The following PARVB variants were observed in gnomAD, a reference collection of about 807,000 sequenced individuals.
PARVB encodes the protein beta-parvin.
A neutral mutation model predicts 47.0 loss-of-function variants in PARVB; 46 were observed. The observed-to-expected ratio is 0.98, with a 90% CI of 0.77 to 1.25. The LOEUF is 1.25. Among genes scored for constraint, PARVB ranks in the 50% most tolerant of loss-of-function variants. PARVB has a pLI of 0.00. For synonymous variants in PARVB, 196 were observed against 196.3 expected (o/e 1.00, Z 0.01); for missense variants, 473 against 471.6 (o/e 1.00, Z -0.03).
intron 1 of PARVB, among the ~76,000 whole-genome samples, chr22:44,092,133 A>G (rs148036177): frequency 0.066 from 9,951 of 151,910 alleles, 376 homozygotes; most frequent in Middle Eastern, 0.11. Context: ...TTTTTTTGAG[A>G]TGGAGTCTCG....
intron 7 of PARVB, chr22:44,139,633 CAG>C (rs2053510193): frequency 6.2e-6 from 1 of 160,170 alleles, no homozygotes; most frequent in African/African-American, 2.4e-5. Context: ...GCATTTTTAG[CAG>C]AGATGGGGTT....
intron 12 of PARVB, among the ~76,000 whole-genome samples, chr22:44,164,418 C>CT (rs1555913760): frequency 1.3e-5 from 2 of 148,328 alleles, no homozygotes; most frequent in South Asian, 2.1e-4. Context: ...GTCCCCCCCC[C>CT]GGCTCCTGTG....
intron 1 of PARVB, among the ~76,000 whole-genome samples, chr22:44,090,279 C>T (rs1182953717): frequency 2.0e-5 from 3 of 152,220 alleles, no homozygotes; most frequent in Non-Finnish European, 4.4e-5. Flanking sequence ...TCCTGCCAAC[C>T]GAGGGGTCTG....
At chr22:44,029,726 G>A (rs940881624) in intron 1 of PARVB, among the ~76,000 whole-genome samples, 12 of 152,140 alleles carry the variant, frequency 7.9e-5, no homozygotes, top group African/African-American at 2.9e-4. Context: ...CCTGGCCAAC[G>A]TGGTGAAACC....
intron 1 of PARVB, chr22:44,026,377 G>T (rs2050729292): frequency 1.0e-6 from 1 of 985,078 alleles, no homozygotes; most frequent in Non-Finnish European, 1.2e-6. Flanking sequence ...TTCGCTGGGG[G>T]TGAGCTGGGC....
chr22:44,140,553 T>C (rs1248352197), intron 8 of PARVB: 1 of 536,828 alleles, frequency 1.9e-6, no homozygotes, highest in Admixed American at 1.9e-5. Context: ...TCCTTCCATG[T>C]GTATTATTTC....
chr22:44,094,578 C>CAAA (rs2052254227), intron 2 of PARVB, among the ~76,000 whole-genome samples: 1 of 145,922 alleles, frequency 6.9e-6, no homozygotes, highest in Non-Finnish European at 1.6e-5. Flanking sequence ...CAGCCTTTAC[C>CAAA]GTCCAGGTTC....
chr22:44,152,584 G>A (rs560918857), intron 10 of PARVB: 7 of 152,350 alleles, frequency 4.6e-5, no homozygotes, highest in South Asian at 4.2e-4. Flanking sequence ...CTGTCACACT[G>A]TGGCCAGGAC....
chr22:44,051,364 A>C (rs2051205407), intron 1 of PARVB, among the ~76,000 whole-genome samples: 1 of 152,134 alleles, frequency 6.6e-6, no homozygotes, highest in Admixed American at 6.5e-5. Flanking sequence ...TCGGCTGGCC[A>C]CACTGCCATT....
chr22:44,002,813 C>G (rs932891895), intron 2 of PARVB, among the ~76,000 whole-genome samples: 7 of 151,926 alleles, frequency 4.6e-5, no homozygotes, highest in Non-Finnish European at 8.8e-5. Flanking sequence ...AATGCTTTGC[C>G]CGAAAGTGGG....
At chr22:44,038,397 TGTGCCTCA>T (rs746356696) in intron 1 of PARVB, among the ~76,000 whole-genome samples, 14 of 152,224 alleles carry the variant, frequency 9.2e-5, no homozygotes, top group Non-Finnish European at 1.9e-4. Flanking sequence ...TTCCCCACGC[TGTGCCTCA>T]GTTTCTTCTT....
At chr22:44,073,416 C>A (rs1425704104) in intron 1 of PARVB, among the ~76,000 whole-genome samples, 1 of 152,180 alleles carries the variant, frequency 6.6e-6, no homozygotes, top group Non-Finnish European at 1.5e-5. Context: ...ATCACTTGAA[C>A]CCAGGAGGCA....
Position 44,068,941 on chromosome 22 carries a change from T to G in PARVB, c.113-24987T>G, listed in dbSNP as rs987008984. 5.1e-6 allele frequency: 3 copies of G among 587,632 alleles called. No individual in the cohort carries two copies. The highest frequency in any genetic ancestry group is 9.1e-6 in the Non-Finnish European group (3 of 330,114). The allele number at this position is 587,632 out of a possible 1,614,324, so 36.4% of individuals were successfully genotyped here. ...GAGTCAAGACAGAAATAGTGGTCTG[T>G]GGTCAGCAAGGAGCTATCGCTGGAA... On this transcript the variant is annotated intron_variant, in intron 1 of 12. Transcript: ENST00000338758. The surrounding 1 kb of genome is among the most constrained non-coding windows in gnomAD (Gnocchi z 4.1).
Position 44,100,082 on chromosome 22 carries a change from C to G in PARVB, c.232C>G (p.Pro78Ala). ...EENEERTMID[P>A]TSKEDPKFKE... ...GAACGAGGAGCGCACGATGATTGACCCCACTTCCAAGGAAGACCCCAAGTT... is the reference window on the plus strand; with the variant it reads ...GAACGAGGAGCGCACGATGATTGACGCCACTTCCAAGGAAGACCCCAAGTT... The change falls in exon 3 of 13, where the codon CCC (proline) becomes GCC (alanine). Residue 78 changes from proline to alanine, a missense_variant. Pro to Ala is a conservative substitution (Grantham distance 27). Coordinates refer to ENST00000338758, the MANE Select transcript of PARVB (RefSeq NM_013327.5). The G allele has an allele frequency of 1.2e-6, 2 of 1,614,028 alleles. No individual in the cohort carries two copies. Among genetic ancestry groups the G allele is most frequent in the African/African-American group, 1.3e-5 (1 of 75,022 alleles).
chr22:44,126,143 C>T (rs1386796342), intron 4 of PARVB, among the ~76,000 whole-genome samples: 1 of 152,124 alleles, frequency 6.6e-6, no homozygotes, highest in Non-Finnish European at 1.5e-5. Flanking sequence ...AACCCAGCAG[C>T]ACTGAGCTGA....
At chr22:44,026,127 G>A (rs1384456998) in intron 1 of PARVB, among the ~76,000 whole-genome samples, 1 of 152,202 alleles carries the variant, frequency 6.6e-6, no homozygotes, top group African/African-American at 2.4e-5. Flanking sequence ...TCTAGGTGCC[G>A]TTTACGCTCT....
rs1312848643 is a variant in PARVB at position 44,037,293 on chromosome 22, T to A, written c.112+12842T>A. Among the ~76,000 whole-genome samples, 11 of 150,792 alleles carry A rather than the reference T, an allele frequency of 7.3e-5. No homozygotes were observed. In the South Asian group the frequency reaches 2.1e-3, roughly 29 times the overall value. On this transcript the variant is annotated intron_variant, in intron 1 of 12. Coordinates refer to ENST00000338758, the MANE Select transcript of PARVB (RefSeq NM_013327.5). ...CAAAAATTAGCCAGGCATGGTGGCT[T>A]TTGCTTGTAGTCCCAGCTACTCGGG...
chr22:44,054,860 G>A (rs1366747293), intron 1 of PARVB, among the ~76,000 whole-genome samples: 1 of 151,592 alleles, frequency 6.6e-6, no homozygotes, highest in Non-Finnish European at 1.5e-5. Context: ...TGTGGTGGTG[G>A]GCGCCTGTAA....
chr22:44,006,285 C>CT (rs201037205), intron 2 of PARVB, among the ~76,000 whole-genome samples: 6 of 137,618 alleles, frequency 4.4e-5, no homozygotes, highest in African/African-American at 1.4e-4. Flanking sequence ...ATCCTAGCAT[C>CT]TTACGCCACT....
Sources: gnomAD v4.1 joint callset for allele counts (sites outside exome capture counted in the v4.1 genomes callset) on GRCh38, gnomAD v4.1.1 for gene constraint, Gnocchi (gnomAD v3.1) non-coding constraint, MANE v1.5 for transcripts, NCBI Gene and HGNC (gene_info 2026-07-23, HGNC 2026-07-21) for gene names.